GLP2R: variants seen among roughly 807,000 people sequenced by gnomAD.
The protein encoded by GLP2R is glucagon-like peptide 2 receptor.
In GLP2R, 59 loss-of-function variants were observed where a neutral mutation model predicts 68.2. The observed-to-expected ratio is 0.87, with a 90% CI of 0.70 to 1.07. GLP2R has a LOEUF of 1.07. Ranked by LOEUF, GLP2R falls within the 50% of genes least tolerant of loss-of-function variation. The pLI, the probability that GLP2R is intolerant of heterozygous loss-of-function variation, is 0.00. For missense variants in GLP2R, 548 were observed against 677.4 expected, an observed-to-expected ratio of 0.81 and a Z score of 2.12; for synonymous variants, 270 against 265.4, an observed-to-expected ratio of 1.02 and a Z score of -0.17.
At chr17:9,857,313 T>TA (rs1346520095) in intron 5 of GLP2R, 110 bp from the exon 6 acceptor site, 1 of 926,808 alleles carries the variant, frequency 1.1e-6, no homozygotes, top group Admixed American at 2.1e-5. Flanking sequence ...CTGCAGCCTA[T>TA]ACTATGACCC....
rs560052734 is a variant in GLP2R at position 9,881,076 on chromosome 17, T to C, written c.1284+560T>C. On this transcript the variant is annotated intron_variant, in intron 11 of 12. Coordinates refer to ENST00000262441, the MANE Select transcript of GLP2R (RefSeq NM_004246.3). ...GTCTTAAGATGGCAATTTTTAAAAT[T>C]ATTTTTCATGATTCTGGGAGTTAGG... Among the ~76,000 whole-genome samples, 7 of 152,302 alleles carry C rather than the reference T, an allele frequency of 4.6e-5. No individual in the cohort carries two copies. In the South Asian group the frequency reaches 1.4e-3, roughly 32 times the overall value.
intron 1 of GLP2R, among the ~76,000 whole-genome samples, chr17:9,833,271 A>AAAAG (rs534704361): frequency 0.03 from 4,628 of 151,854 alleles, 89 homozygotes; most frequent in Middle Eastern, 0.071. Context: ...TTAAAAAAAA[A>AAAAG]AAAGAAAGAA....
intron 1 of GLP2R, among the ~76,000 whole-genome samples, chr17:9,833,540 T>G (rs1195851281): frequency 6.6e-6 from 1 of 152,226 alleles, no homozygotes; most frequent in African/African-American, 2.4e-5. Context: ...ATAAGAATTT[T>G]GCGTACTCTT....
At chr17:9,841,183 ATT>A (rs139792270) in intron 3 of GLP2R, among the ~76,000 whole-genome samples, 58,831 of 144,306 alleles carry the variant, frequency 0.41, 12,665 homozygotes, top group Non-Finnish European at 0.49. Flanking sequence ...TGCCTAGCTA[ATT>A]TTTTTTTTTT....
At chr17:9,844,395 G>A (rs1032254901) in intron 4 of GLP2R, among the ~76,000 whole-genome samples, 12 of 152,140 alleles carry the variant, frequency 7.9e-5, no homozygotes, top group Non-Finnish European at 1.5e-4. Flanking sequence ...GCAGAAGGCA[G>A]GGACAACAGG....
chr17:9,861,003 G>A (rs995911636), intron 7 of GLP2R, 136 bp from the exon 8 acceptor site: 12 of 687,908 alleles, frequency 1.7e-5, no homozygotes, highest in Non-Finnish European at 2.4e-5. Flanking sequence ...GGTCTCTCCA[G>A]CTCTCACAGT....
At chr17:9,853,317 G>A in intron 4 of GLP2R, 1 of 236,490 alleles carries the variant, frequency 4.2e-6, no homozygotes, top group Non-Finnish European at 8.5e-6. Flanking sequence ...ATGGGGTGGT[G>A]GCACGTACTT....
At chr17:9,879,841 TCTGCAGGTCGGAA>T (rs1249558815) in intron 10 of GLP2R, among the ~76,000 whole-genome samples, 1 of 151,942 alleles carries the variant, frequency 6.6e-6, no homozygotes, top group Non-Finnish European at 1.5e-5. Context: ...CAGAAAGGAG[TCTGCAGGTCGGAA>T]CTGCAGGTCA....
In GLP2R at chr17:9,842,887, A is replaced by T. The variant is rs565960900; in HGVS notation, c.504+271A>T. Among the ~76,000 whole-genome samples, 3 of 152,270 alleles carry T rather than the reference A, an allele frequency of 2.0e-5. No homozygotes were observed. The East Asian group carries it at 5.8e-4, about 29-fold the overall frequency. On this transcript the variant is annotated intron_variant, in intron 4 of 12. Transcript: ENST00000262441. The stretch of plus-strand genomic sequence containing the variant: ...GCTTGCTGTTCCCCGTGCCTGGAGC[A>T]CCTGTCCCAGCTCCCCTGTGGCTGG...
chr17:9,828,876 G>A (rs2066656139), intron 1 of GLP2R, among the ~76,000 whole-genome samples: 1 of 152,080 alleles, frequency 6.6e-6, no homozygotes, highest in South Asian at 2.1e-4. Flanking sequence ...TCCACTCTCT[G>A]CCACCCAGTC....
At chr17:9,879,344 A>G (rs2152047699) in intron 10 of GLP2R, among the ~76,000 whole-genome samples, 1 of 148,836 alleles carries the variant, frequency 6.7e-6, no homozygotes, top group South Asian at 2.1e-4. Context: ...ATAAAATAAA[A>G]TAATTATCCA....
intron 4 of GLP2R, among the ~76,000 whole-genome samples, chr17:9,849,611 T>C (rs1024714310): frequency 6.0e-5 from 8 of 134,046 alleles, no homozygotes; most frequent in Non-Finnish European, 4.8e-5. Context: ...CTCTTTCTTT[T>C]TTTTTTTTTT....
chr17:9,844,784 G>A (rs2066822580), intron 4 of GLP2R, among the ~76,000 whole-genome samples: 1 of 130,470 alleles, frequency 7.7e-6, no homozygotes, highest in Non-Finnish European at 1.6e-5. Context: ...TCTGCCTCCC[G>A]GGTTCAAGCA....
At chr17:9,829,896 G>C (rs962921778) in intron 1 of GLP2R, among the ~76,000 whole-genome samples, 3 of 152,244 alleles carry the variant, frequency 2.0e-5, no homozygotes, top group Admixed American at 6.5e-5. Flanking sequence ...AAGAGAGTCA[G>C]TATAAGGATT....
chr17:9,862,152 C>T (rs1597392781), intron 9 of GLP2R, 62 bp downstream of exon 9: 12 of 1,194,378 alleles, frequency 1.0e-5, no homozygotes, highest in Non-Finnish European at 1.4e-5. Flanking sequence ...AATCCCCCCG[C>T]CCCACCCGAC....
intron 11 of GLP2R, among the ~76,000 whole-genome samples, chr17:9,882,323 T>C (rs141509953): frequency 6.6e-6 from 1 of 152,328 alleles, no homozygotes; most frequent in East Asian, 1.9e-4. Flanking sequence ...CAGCCTGAAG[T>C]TATCATTCTA....
intron 1 of GLP2R, among the ~76,000 whole-genome samples, chr17:9,826,476 A>G (rs893869312): frequency 6.6e-6 from 1 of 152,110 alleles, no homozygotes; most frequent in Non-Finnish European, 1.5e-5. Flanking sequence ...AACAGCTGAT[A>G]TTAGGAAGCA....
intron 4 of GLP2R, among the ~76,000 whole-genome samples, chr17:9,851,914 A>G (rs920802882): frequency 6.6e-6 from 1 of 152,140 alleles, no homozygotes; most frequent in East Asian, 1.9e-4. Flanking sequence ...ACATACTTCT[A>G]AATAACCCAT....
intron 3 of GLP2R, among the ~76,000 whole-genome samples, chr17:9,836,850 A>G (rs2066736317): frequency 6.6e-6 from 1 of 151,382 alleles, no homozygotes; most frequent in Non-Finnish European, 1.5e-5. Flanking sequence ...TATTATTACT[A>G]TTATATATCT....
Sources: allele counts gnomAD v4.1 joint callset (sites outside exome capture counted in the v4.1 genomes callset), GRCh38; gene constraint gnomAD v4.1.1; transcripts MANE v1.5; gene names NCBI Gene and HGNC (gene_info 2026-07-23, HGNC 2026-07-21).